The following LBHD2 variants were observed in gnomAD, a reference collection of about 807,000 sequenced individuals.
LBHD2 encodes LBH domain containing 2, also known as LBH domain-containing protein 2.
chr14:103,085,543 G>C (rs1275027185), intron 1 of LBHD2, among the ~76,000 whole-genome samples: 1 of 152,196 alleles, frequency 6.6e-6, no homozygotes, highest in African/African-American at 2.4e-5. Flanking sequence ...GGAGGAAATG[G>C]GCACCTTGGC....
intron 1 of LBHD2, among the ~76,000 whole-genome samples, chr14:103,084,991 G>A (rs917984655): frequency 5.3e-4 from 80 of 152,172 alleles, no homozygotes; most frequent in African/African-American, 1.8e-3. Context: ...TTCACTGCCC[G>A]CTGCCCCGAG....
At chr14:103,088,482 G>A (rs1889664708) in intron 3 of LBHD2, among the ~76,000 whole-genome samples, 2 of 152,252 alleles carry the variant, frequency 1.3e-5, no homozygotes, top group Non-Finnish European at 2.9e-5. Context: ...TCCACTCTCA[G>A]CCGCAGGCCT....
intron 2 of LBHD2, 124 bp downstream of exon 2, chr14:103,086,205 C>CTTAT (rs1010591203): frequency 1.4e-4 from 55 of 396,118 alleles, no homozygotes; most frequent in South Asian, 4.1e-4. Context: ...GAGATCATTG[C>CTTAT]TTATTTATTT....
At chr14:103,087,326 C>A (rs1290523034) in intron 2 of LBHD2, among the ~76,000 whole-genome samples, 1 of 152,230 alleles carries the variant, frequency 6.6e-6, no homozygotes, top group African/African-American at 2.4e-5. Context: ...TTCCTCGAGG[C>A]CCTTGTGCTC....
In LBHD2 at chr14:103,089,457, C is replaced by T. The variant is rs548291760; in HGVS notation, c.227-240C>T. ...CTCTGGGGATATCCTTGAGTCTGCCCTGGACTTCCCTTCCCTCTGCCACCC... is the reference window on the plus strand; with the variant it reads ...CTCTGGGGATATCCTTGAGTCTGCCTTGGACTTCCCTTCCCTCTGCCACCC... On this transcript the variant is annotated intron_variant, in intron 3 of 3. Transcript: ENST00000634353. Among the ~76,000 whole-genome samples, 6 of 152,258 alleles carry T rather than the reference C, an allele frequency of 3.9e-5. No individual in the cohort carries two copies. The South Asian group carries it at 1.2e-3, about 32-fold the overall frequency.
rs1281335865 is a variant in LBHD2, at chr14:103,089,979, C to T, written c.*182C>T. On this transcript the variant is annotated 3_prime_UTR_variant, in exon 4 of 4. Transcript: ENST00000634353. Reference sequence around the variant, plus strand: ...GCCCATGGCCCAGGTCTGGATCACACCCCGCTTTGTTCCGTGGTTTGAAGC... The same window carrying T: ...GCCCATGGCCCAGGTCTGGATCACATCCCGCTTTGTTCCGTGGTTTGAAGC... 1.3e-5 allele frequency: 5 copies of T among 396,452 alleles called. No homozygotes were observed. Among genetic ancestry groups the T allele is most frequent in the Admixed American group, 4.4e-5 (1 of 22,680 alleles). The allele number at this position is 396,452 out of a possible 1,614,324, so 24.6% of individuals were successfully genotyped here.
At chr14:103,085,530 C>T (rs777973208) in intron 1 of LBHD2, among the ~76,000 whole-genome samples, 15 of 152,194 alleles carry the variant, frequency 9.9e-5, no homozygotes, top group Admixed American at 2.0e-4. Flanking sequence ...TGCATGCTCT[C>T]GAGGAGGAAA....
intron 3 of LBHD2, 78 bp downstream of exon 3, chr14:103,088,319 C>T (rs775895887): frequency 1.1e-4 from 43 of 398,206 alleles, no homozygotes; most frequent in Middle Eastern, 6.2e-4. Context: ...GTGCTTCCTG[C>T]GGCTCCAGCA....
chr14:103,088,924 G>T (rs1889670963), intron 3 of LBHD2, among the ~76,000 whole-genome samples: 1 of 152,244 alleles, frequency 6.6e-6, no homozygotes, highest in African/African-American at 2.4e-5. Context: ...AACCCTGGAG[G>T]CAGAGGTTGC....
At chr14:103,084,908 C>G (rs548036939) in intron 1 of LBHD2, among the ~76,000 whole-genome samples, 2 of 152,216 alleles carry the variant, frequency 1.3e-5, no homozygotes, top group East Asian at 3.9e-4. Context: ...GATGGAGGGC[C>G]GGACCTGGGA....
chr14:103,085,626 C>T (rs1439419501), intron 1 of LBHD2, among the ~76,000 whole-genome samples: 1 of 152,226 alleles, frequency 6.6e-6, no homozygotes, highest in African/African-American at 2.4e-5. Flanking sequence ...CCCTAGGACA[C>T]TCCGTGTCCT....
intron 1 of LBHD2, among the ~76,000 whole-genome samples, chr14:103,085,070 G>T (rs766980088): frequency 6.6e-6 from 1 of 152,176 alleles, no homozygotes; most frequent in African/African-American, 2.4e-5. Context: ...TGACCTGAGT[G>T]GGGTGTTTGG....
rs181096619 is a variant in LBHD2 at position 103,088,867 on chromosome 14, G to A, written c.226+626G>A. 3.5e-3 allele frequency among the ~76,000 whole-genome samples: 530 copies of A among 152,334 alleles called. 7 individuals are homozygous for A. The highest frequency in any genetic ancestry group is 2.3e-3 in the Non-Finnish European group (154 of 68,040). Reference sequence around the variant, plus strand: ...AAATTAGCCAGGCATGGTGGCGGGCGCCTGTAATCCCAGCTACTCTGAAGG... The same window carrying A: ...AAATTAGCCAGGCATGGTGGCGGGCACCTGTAATCCCAGCTACTCTGAAGG... On this transcript the variant is annotated intron_variant, in intron 3 of 3. Coordinates refer to ENST00000634353, the MANE Select transcript of LBHD2 (RefSeq NM_001330236.2).
intron 2 of LBHD2, among the ~76,000 whole-genome samples, chr14:103,087,200 A>G (rs977400589): frequency 6.6e-6 from 1 of 152,224 alleles, no homozygotes; most frequent in East Asian, 1.9e-4. Context: ...AGGGTCACAT[A>G]TGGTCCGTGG....
chr14:103,089,911 C>T lies in LBHD2; in HGVS notation c.*114C>T, dbSNP rs761728369. The stretch of plus-strand genomic sequence containing the variant: ...CCCAGCCTGGAAAGCCCAGAGGCTG[C>T]TTCCTGTGTCACAGGGTCTGGACCG... On this transcript the variant is annotated 3_prime_UTR_variant, in exon 4 of 4. Transcript: ENST00000634353. 4 of 397,418 alleles carry T rather than the reference C, an allele frequency of 1.0e-5. No homozygotes were observed. Among genetic ancestry groups the T allele is most frequent in the African/African-American group, 2.1e-5 (1 of 48,604 alleles). The allele number at this position is 397,418 out of a possible 1,614,324, so 24.6% of individuals were successfully genotyped here. A position where few individuals can be genotyped will look rare whatever the true frequency, so the allele number is the denominator to read the frequency against.
At chr14:103,084,393 A>T (rs983968056) in intron 1 of LBHD2, 46 bp downstream of exon 1, 6 of 151,694 alleles carry the variant, frequency 4.0e-5, no homozygotes, top group African/African-American at 1.5e-4. Context: ...GGGATTTGGG[A>T]GTTTTGAGTC....
In LBHD2 at chr14:103,089,752, C is replaced by T. The variant is rs181864284; in HGVS notation, c.282C>T (p.Ser94=). 48 of 398,672 alleles carry T rather than the reference C, an allele frequency of 1.2e-4. No homozygotes were observed. The highest frequency in any genetic ancestry group is 6.3e-4 in the Middle Eastern group (1 of 1,590). 24.7% of individuals were successfully genotyped at this position (398,672 alleles called of 1,614,324 possible). A position where few individuals can be genotyped will look rare whatever the true frequency, so the allele number is the denominator to read the frequency against. The change falls in exon 4 of 4, where the codon AGC becomes AGT. Residue 94 remains serine, a synonymous_variant. Coordinates refer to ENST00000634353, the MANE Select transcript of LBHD2 (RefSeq NM_001330236.2). Reference sequence around the variant, plus strand: ...GGAAAGCTGCAGATAACGCTGGCAGCGAGTGTGCCTGCTCCGAGGACCCAG... The same window carrying T: ...GGAAAGCTGCAGATAACGCTGGCAGTGAGTGTGCCTGCTCCGAGGACCCAG... The part of the protein sequence containing the change: ...EPGKAADNAG[S]ECACSEDPAA...
intron 2 of LBHD2, among the ~76,000 whole-genome samples, chr14:103,087,106 G>T (rs1364205860): frequency 1.3e-5 from 2 of 152,252 alleles, no homozygotes; most frequent in African/African-American, 4.8e-5. Context: ...TTTGGGGTAG[G>T]GATGGGGTCC....
chr14:103,088,283 GC>G, intron 3 of LBHD2, 42 bp downstream of exon 3: 1 of 398,808 alleles, frequency 2.5e-6, no homozygotes, highest in Non-Finnish European at 4.4e-6. Context: ...GGAGGAAGTG[GC>G]CACTGCCAGG....
Sources: gnomAD v4.1 joint callset for allele counts (sites outside exome capture counted in the v4.1 genomes callset) on GRCh38, gnomAD v4.1.1 for gene constraint, MANE v1.5 for transcripts, NCBI Gene and HGNC (gene_info 2026-07-23, HGNC 2026-07-21) for gene names.